SUGCT: variants seen among roughly 807,000 people sequenced by gnomAD.
SUGCT encodes the protein succinyl-CoA:glutarate CoA-transferase.
Under a neutral mutation model 55.0 loss-of-function variants are expected in SUGCT, and 41 were observed. The observed-to-expected ratio is 0.74, with a 90% CI of 0.58 to 0.97. The LOEUF (loss-of-function observed/expected upper bound fraction) is 0.97, where lower values mean the gene tolerates loss of function less well. Ranked by LOEUF, SUGCT falls within the 50% of genes least tolerant of loss-of-function variation. SUGCT has a pLI of 0.00. For synonymous variants in SUGCT, 187 were observed against 200.4 expected (o/e 0.93, Z 0.56); for missense variants, 568 against 547.8 (o/e 1.04, Z -0.37).
intron 9 of SUGCT, among the ~76,000 whole-genome samples, chr7:40,338,453 A>G (rs965469837): frequency 6.6e-6 from 1 of 152,214 alleles, no homozygotes; most frequent in South Asian, 2.1e-4. Context: ...GTCTCTTTAT[A>G]TTCTTTTTTC....
intron 1 of SUGCT, among the ~76,000 whole-genome samples, chr7:40,135,820 C>T (rs1202321351): frequency 6.6e-6 from 1 of 152,116 alleles, no homozygotes; most frequent in Non-Finnish European, 1.5e-5. Context: ...CCACGCCCAA[C>T]TAATTTTTGT....
chr7:40,779,181 C>T (rs1453134247), intron 13 of SUGCT, among the ~76,000 whole-genome samples: 1 of 152,166 alleles, frequency 6.6e-6, no homozygotes, highest in South Asian at 2.1e-4. Context: ...GGAATCAACT[C>T]CCCTCAATGA....
At chr7:40,721,131 G>C (rs971208124) in intron 12 of SUGCT, among the ~76,000 whole-genome samples, 1 of 152,208 alleles carries the variant, frequency 6.6e-6, no homozygotes, top group East Asian at 1.9e-4. Context: ...TCTTCACTTT[G>C]AGAATGTGTT....
intron 13 of SUGCT, among the ~76,000 whole-genome samples, chr7:40,797,087 T>C (rs1449260641): frequency 2.6e-5 from 4 of 152,190 alleles, no homozygotes; most frequent in Non-Finnish European, 4.4e-5. Context: ...GTCTACAGCA[T>C]GCATTGCATA....
chr7:40,853,282 A>G (rs913139216), intron 13 of SUGCT, among the ~76,000 whole-genome samples: 1 of 152,160 alleles, frequency 6.6e-6, no homozygotes, highest in Non-Finnish European at 1.5e-5. Flanking sequence ...AGTATTTATT[A>G]AACTTTCTTT....
At chr7:40,776,274 A>G (rs1562996804) in intron 13 of SUGCT, among the ~76,000 whole-genome samples, 1 of 152,182 alleles carries the variant, frequency 6.6e-6, no homozygotes, top group Non-Finnish European at 1.5e-5. Flanking sequence ...CTATCAAAAT[A>G]GGAAAAAGAA....
the SUGCT span, among the ~76,000 whole-genome samples, chr7:40,935,552 A>G: frequency 6.6e-6 from 1 of 152,182 alleles, no homozygotes; most frequent in Non-Finnish European, 1.5e-5. Context: ...AATGCTTTCA[A>G]GGTTCATTAA....
intron 1 of SUGCT, among the ~76,000 whole-genome samples, chr7:40,155,139 G>A (rs2150621344): frequency 6.6e-6 from 1 of 152,256 alleles, no homozygotes; most frequent in South Asian, 2.1e-4. Flanking sequence ...AAAAAAATTA[G>A]CTGGGTGTAG....
chr7:40,360,691 G>T (rs542437456), intron 9 of SUGCT, among the ~76,000 whole-genome samples: 1 of 152,310 alleles, frequency 6.6e-6, no homozygotes, highest in African/African-American at 2.4e-5. Flanking sequence ...GAGATGAAGG[G>T]ATTGGACTAG....
chr7:40,930,661 A>G, the SUGCT span, among the ~76,000 whole-genome samples: 2 of 151,960 alleles, frequency 1.3e-5, no homozygotes, highest in African/African-American at 4.8e-5. Context: ...GGATTCCTAG[A>G]TATTTTATTC....
chr7:40,196,269 C>A (rs538259848), intron 6 of SUGCT, among the ~76,000 whole-genome samples: 1 of 152,198 alleles, frequency 6.6e-6, no homozygotes, highest in East Asian at 1.9e-4. Context: ...AAAAGTGACT[C>A]ATAACATAAA....
At chr7:40,214,024 T>G (rs1282393303) in intron 6 of SUGCT, among the ~76,000 whole-genome samples, 1 of 152,174 alleles carries the variant, frequency 6.6e-6, no homozygotes, top group Non-Finnish European at 1.5e-5. Flanking sequence ...TCTCCATTTT[T>G]AGATTTTGAA....
intron 12 of SUGCT, among the ~76,000 whole-genome samples, chr7:40,645,527 C>T (rs1436048705): frequency 6.6e-6 from 1 of 152,158 alleles, no homozygotes; most frequent in African/African-American, 2.4e-5. Context: ...TTTTTCCTAC[C>T]CTACTTCCCT....
chr7:40,450,755 C>T (rs1789145074), intron 10 of SUGCT, among the ~76,000 whole-genome samples: 1 of 149,368 alleles, frequency 6.7e-6, no homozygotes, highest in South Asian at 2.1e-4. Flanking sequence ...GCCTAGGTGA[C>T]AGAGGGAGAC....
chr7:40,869,182 G>C, the SUGCT span, among the ~76,000 whole-genome samples: 1 of 152,198 alleles, frequency 6.6e-6, no homozygotes, highest in East Asian at 1.9e-4. Context: ...GGAATTTGTA[G>C]ATGTAATGAA....
chr7:40,665,135 G>A (rs75857771), intron 12 of SUGCT, among the ~76,000 whole-genome samples: 3,087 of 151,736 alleles, frequency 0.02, 93 homozygotes, highest in African/African-American at 0.071. Context: ...ACTTTACAAA[G>A]CAAATTTACA....
At chr7:41,017,215 T>C in the SUGCT span, among the ~76,000 whole-genome samples, 5 of 152,088 alleles carry the variant, frequency 3.3e-5, no homozygotes, top group African/African-American at 4.8e-5. Flanking sequence ...ATATACAAAG[T>C]CTCCCCTAAA....
At chr7:40,242,131 A>G (rs751569913) in intron 7 of SUGCT, among the ~76,000 whole-genome samples, 3 of 150,836 alleles carry the variant, frequency 2.0e-5, no homozygotes, top group Non-Finnish European at 4.4e-5. Flanking sequence ...TGATCCTCAC[A>G]TTGGTACTTC....
chr7:40,614,701 T>G (rs962749324), intron 12 of SUGCT, among the ~76,000 whole-genome samples: 1 of 152,210 alleles, frequency 6.6e-6, no homozygotes, highest in Non-Finnish European at 1.5e-5. Flanking sequence ...AGGAAAATGA[T>G]AAAGGCCATA....
Sources: allele counts gnomAD v4.1 joint callset (sites outside exome capture counted in the v4.1 genomes callset), GRCh38; gene constraint gnomAD v4.1.1; transcripts MANE v1.5; gene names NCBI Gene and HGNC (gene_info 2026-07-23, HGNC 2026-07-21).